PIGC: variants seen among roughly 807,000 people sequenced by gnomAD.
PIGC encodes the protein phosphatidylinositol N-acetylglucosaminyltransferase subunit C.
PIGC carries 14 observed loss-of-function variants against 20.9 expected under a neutral mutation model. The ratio of observed to expected loss-of-function variants is 0.67; its 90% CI spans 0.44 to 1.05. The LOEUF is 1.05. PIGC is among the 50% of genes least tolerant of loss of function. The pLI is 0.00. For synonymous variants in PIGC, 132 were observed against 141.4 expected (o/e 0.93, Z 0.47); for missense variants, 310 against 360.9 (o/e 0.86, Z 1.14).
chr1:172,443,974 C>T lies in PIGC; in HGVS notation c.-209+14G>A, dbSNP rs901940833. ...AGCCCCGGAAACACTGACCGTTACA[C>T]GGAACCCACCTACCCGAGAGTTCCT... On this transcript the variant is annotated intron_variant, in intron 1 of 1. Transcript: ENST00000344529. 2 of 1,000,056 alleles carry T rather than the reference C, an allele frequency of 2.0e-6. No individual in the cohort carries two copies. Among genetic ancestry groups the T allele is most frequent in the African/African-American group, 3.5e-5 (2 of 57,260 alleles). The allele number at this position is 1,000,056 out of a possible 1,614,324, so 61.9% of individuals were successfully genotyped here.
rs61747503 is a variant in PIGC, at chr1:172,442,315, A to G, written c.308T>C (p.Ile103Thr). The G allele has an allele frequency of 5.1e-4, 815 of 1,613,278 alleles. No individual in the cohort carries two copies. The highest frequency in any genetic ancestry group is 6.3e-4 in the Non-Finnish European group (739 of 1,180,034). ...CTTCTTCCGCCCTTCACCTCCATCA[A>G]TGAGATCAAACAAAACATACCCAAT... ...SLIGYVLFDL[I>T]DGGEGRKKSG... Residue 103 changes from isoleucine (I) to threonine (T), a missense_variant, in exon 2 of 2, where the codon ATT becomes ACT. Physicochemically the swap from Ile to Thr is moderately conservative, Grantham distance 89. Coordinates refer to ENST00000344529, the MANE Select transcript of PIGC (RefSeq NM_153747.2).
chr1:172,441,489 C>T lies in PIGC; in HGVS notation c.*240G>A, dbSNP rs1647304362. The T allele has an allele frequency of 8.5e-6, 3 of 354,846 alleles. No individual in the cohort carries two copies. The South Asian group carries it at 3.0e-4, about 36-fold the overall frequency. 22.0% of individuals were successfully genotyped at this position (354,846 alleles called of 1,614,324 possible). On this transcript the variant is annotated 3_prime_UTR_variant, in exon 2 of 2. Coordinates refer to ENST00000344529, the MANE Select transcript of PIGC (RefSeq NM_153747.2). ...GTTATTTTTTTAATAGAAACCACAT[C>T]ACTTCATATGTTACAGCATGTAATT...
chr1:172,441,936 C>T lies in PIGC; in HGVS notation c.687G>A (p.Val229=). 2 of 1,614,198 alleles carry T rather than the reference C, an allele frequency of 1.2e-6. No homozygotes were observed. Among genetic ancestry groups the T allele is most frequent in the Non-Finnish European group, 8.5e-7 (1 of 1,180,026 alleles). The part of the protein sequence containing the change: ...KLKACTPRSY[V]GVTLLFAFSA... ...AAAATGCAAAAAGCAGTGTGACCCC[C>T]ACATAGCTCCGGGGAGTACATGCCT... The change falls in exon 2 of 2, where the codon GTG becomes GTA. Residue 229 remains valine, a synonymous_variant. Transcript: ENST00000344529.
rs894789904 is a variant in PIGC at position 172,444,022 on chromosome 1, G to C, written c.-243C>G. 2.0e-6 allele frequency: 2 copies of C among 999,956 alleles called. No individual in the cohort carries two copies. The highest frequency in any genetic ancestry group is 3.5e-5 in the African/African-American group (2 of 57,256). The allele number at this position is 999,956 out of a possible 1,614,324, so 61.9% of individuals were successfully genotyped here. A position where few individuals can be genotyped will look rare whatever the true frequency, so the allele number is the denominator to read the frequency against. ...CCTAGGGTTGCGCAGCTGGGGGACG[G>C]CGGCACCCAGCCTTTTTCCCGCTTC... is the stretch of plus-strand genomic sequence containing the variant. On this transcript the variant is annotated 5_prime_UTR_variant, in exon 1 of 2. Transcript: ENST00000344529.
Position 172,442,039 on chromosome 1 carries a change from CG to C in PIGC, c.583del (p.Arg195GlyfsTer9). 2 of 1,614,072 alleles carry C rather than the reference CG, an allele frequency of 1.2e-6. No individual in the cohort carries two copies. Among genetic ancestry groups the C allele is most frequent in the East Asian group, 2.2e-5 (1 of 44,878 alleles). On this transcript the variant is annotated frameshift_variant, in exon 2 of 2. Transcript: ENST00000344529. LOFTEE classifies it high-confidence loss of function. Reference sequence around the variant, plus strand: ...CACCATGATGAAGGCATGCAGGGACCGGGGAAGACGTGATGCCAAGCATACA... The same window carrying C: ...CACCATGATGAAGGCATGCAGGGACCGGGAAGACGTGATGCCAAGCATACA... Reference protein sequence around the residue: ...ASVCLASRLPRSLHAFIMVTF... With the variant: ...ASVCLASRLPXSLHAFIMVTF...
At chr1:172,443,119 A>G (rs1248718875) in intron 1 of PIGC, 2 of 167,944 alleles carry the variant, frequency 1.2e-5, no homozygotes, top group African/African-American at 4.8e-5. Flanking sequence ...CTGCTTTGGT[A>G]AAAAAGCTGA....
chr1:172,442,254 G>A lies in PIGC; in HGVS notation c.369C>T (p.Ala123=), dbSNP rs776975185. ...GQTRWADLKS[A]LVFITFTYGF... ...CATAAGTGAAAGTAATGAAGACTAG[G>A]GCACTCTTCAGGTCAGCCCACCGGG... is the stretch of plus-strand genomic sequence containing the variant. The change falls in exon 2 of 2, where the codon GCC becomes GCT. Residue 123 remains alanine, a synonymous_variant. Coordinates refer to ENST00000344529, the MANE Select transcript of PIGC (RefSeq NM_153747.2). 3 of 1,613,750 alleles carry A rather than the reference G, an allele frequency of 1.9e-6. No individual in the cohort carries two copies. In the South Asian group the frequency reaches 3.3e-5, roughly 18 times the overall value.
Position 172,441,873 on chromosome 1 carries a change from T to G in PIGC, c.750A>C (p.Gly250=), listed in dbSNP as rs1647346250. 1 of 1,613,952 alleles carries G rather than the reference T, an allele frequency of 6.2e-7. No homozygotes were observed. ...VGGLLSISAV[G]AVLFALLLMS... The stretch of plus-strand genomic sequence containing the variant: ...TCAGCAGAAGGGCAAAGAGTACGGC[T>G]CCCACAGCACTAATGGACAGTAGGC... The change falls in exon 2 of 2, where the codon GGA becomes GGC. Residue 250 remains glycine, a synonymous_variant. Coordinates refer to ENST00000344529, the MANE Select transcript of PIGC (RefSeq NM_153747.2).
Position 172,442,640 on chromosome 1 carries a change from T to C in PIGC, c.-18A>G. On this transcript the variant is annotated 5_prime_UTR_variant, in exon 2 of 2. The change abolishes the stop of an existing upstream ORF in the 5' untranslated region. Coordinates refer to ENST00000344529, the MANE Select transcript of PIGC (RefSeq NM_153747.2). The stretch of plus-strand genomic sequence containing the variant: ...GCATACATTATCCTTTCATTCAAAC[T>C]CAGGCCAGTTTAATCATCGCCCTCA... The C allele has an allele frequency of 1.3e-6, 2 of 1,595,858 alleles. No individual in the cohort carries two copies. The highest frequency in any genetic ancestry group is 1.7e-6 in the Non-Finnish European group (2 of 1,165,178).
chr1:172,441,853 A>C lies in PIGC; in HGVS notation c.770T>G (p.Leu257Arg). Residue 257 changes from leucine (L) to arginine (R), a missense_variant, in exon 2 of 2, where the codon CTG becomes CGG. Coordinates refer to ENST00000344529, the MANE Select transcript of PIGC (RefSeq NM_153747.2). ...SAVGAVLFAL[L>R]LMSISCLCPF... is the part of the protein sequence containing the mutation. ...ACACAGACATGAGATAGACATCAGC[A>C]GAAGGGCAAAGAGTACGGCTCCCAC... 1.9e-6 allele frequency: 3 copies of C among 1,614,226 alleles called. No individual in the cohort carries two copies. The highest frequency in any genetic ancestry group is 2.5e-6 in the Non-Finnish European group (3 of 1,180,016).
chr1:172,442,379 G>T lies in PIGC; in HGVS notation c.244C>A (p.Pro82Thr), dbSNP rs772574314. ...WWYMDEGLLA[P>T]HWLLGTGLAS... The stretch of plus-strand genomic sequence containing the variant: ...AGACCAGTCCCTAAAAGCCAATGGG[G>T]GGCCAGAAGACCCTCATCCATATAC... The change falls in exon 2 of 2, where the codon CCC becomes ACC. Residue 82 changes from proline (P) to threonine (T), a missense_variant. Pro to Thr is a conservative substitution (Grantham distance 38). Coordinates refer to ENST00000344529, the MANE Select transcript of PIGC (RefSeq NM_153747.2). 1.2e-6 allele frequency: 2 copies of T among 1,613,402 alleles called. No homozygotes were observed. The highest frequency in any genetic ancestry group is 3.3e-5 in the Admixed American group (2 of 60,012).
chr1:172,442,145 G>C lies in PIGC; in HGVS notation c.478C>G (p.His160Asp), dbSNP rs1647380174. 6.2e-7 allele frequency: 1 copy of C among 1,614,160 alleles called. No individual in the cohort carries two copies. The highest frequency in any genetic ancestry group is 8.5e-7 in the Non-Finnish European group (1 of 1,180,010). ...GCACCATAGTCAAAAAAGATGAGATGGCCTAACAGCATGAAGACTGACATG... is the reference window on the plus strand; with the variant it reads ...GCACCATAGTCAAAAAAGATGAGATCGCCTAACAGCATGAAGACTGACATG... ...YAMSVFMLLG[H>D]LIFFDYGANA... The change falls in exon 2 of 2, where the codon CAT (histidine) becomes GAT (aspartate). Residue 160 changes from histidine to aspartate, a missense_variant. Coordinates refer to ENST00000344529, the MANE Select transcript of PIGC (RefSeq NM_153747.2).
rs1257531928 is a variant in PIGC at position 172,442,119 on chromosome 1, G to A, written c.504C>T (p.Ala168=). The A allele has an allele frequency of 1.2e-6, 2 of 1,614,062 alleles. No homozygotes were observed. Among genetic ancestry groups the A allele is most frequent in the African/African-American group, 1.3e-5 (1 of 74,916 alleles). ...LGHLIFFDYG[A]NAAIVSSTLS... is the part of the protein sequence containing the mutation. Reference sequence around the variant, plus strand: ...GTGTGCTGGATACAATGGCAGCATTGGCACCATAGTCAAAAAAGATGAGAT... The same window carrying A: ...GTGTGCTGGATACAATGGCAGCATTAGCACCATAGTCAAAAAAGATGAGAT... The change falls in exon 2 of 2, where the codon GCC becomes GCT. Residue 168 remains alanine (A), a synonymous_variant. Transcript: ENST00000344529.
chr1:172,443,619 G>GA (rs914567916), intron 1 of PIGC: 33 of 165,116 alleles, frequency 2.0e-4, no homozygotes, highest in South Asian at 8.4e-4. Context: ...GCAAATTTGA[G>GA]AAAAAAAAAA....
At position 172,442,635 on chromosome 1, in the gene PIGC, C is replaced by A; in HGVS notation, c.-13G>T. 1 of 1,598,480 alleles carries A rather than the reference C, an allele frequency of 6.3e-7. No individual in the cohort carries two copies. Among genetic ancestry groups the A allele is most frequent in the South Asian group, 1.1e-5 (1 of 90,520 alleles). The stretch of plus-strand genomic sequence containing the variant: ...GTTGAGCATACATTATCCTTTCATT[C>A]AAACTCAGGCCAGTTTAATCATCGC... On this transcript the variant is annotated 5_prime_UTR_variant, in exon 2 of 2. Transcript: ENST00000344529.
At chr1:172,443,819 G>A (rs917684012) in intron 1 of PIGC, 169 bp downstream of exon 1, 4 of 306,054 alleles carry the variant, frequency 1.3e-5, no homozygotes, top group Non-Finnish European at 2.0e-5. Flanking sequence ...AGGGGACGGG[G>A]TAGGGTAGGG....
Position 172,441,939 on chromosome 1 carries a change from A to G in PIGC, c.684T>C (p.Tyr228=). ...KKLKACTPRS[Y]VGVTLLFAFS... Reference sequence around the variant, plus strand: ...ATGCAAAAAGCAGTGTGACCCCCACATAGCTCCGGGGAGTACATGCCTTTA... The same window carrying G: ...ATGCAAAAAGCAGTGTGACCCCCACGTAGCTCCGGGGAGTACATGCCTTTA... Residue 228 remains tyrosine, a synonymous_variant, in exon 2 of 2, where the codon TAT becomes TAC. Transcript: ENST00000344529. 6.2e-7 allele frequency: 1 copy of G among 1,614,238 alleles called. No homozygotes were observed. Among genetic ancestry groups the G allele is most frequent in the Non-Finnish European group, 8.5e-7 (1 of 1,180,042 alleles).
In PIGC at chr1:172,441,955, C is replaced by T. The variant is rs767621330; in HGVS notation, c.668G>A (p.Cys223Tyr). The T allele has an allele frequency of 5.0e-6, 8 of 1,614,050 alleles. No homozygotes were observed. Among genetic ancestry groups the T allele is most frequent in the Middle Eastern group, 1.6e-4 (1 of 6,084 alleles). ...GACCCCCACATAGCTCCGGGGAGTA[C>T]ATGCCTTTAGTTTCTTCTGCAACAT... ...WPMLQKKLKA[C>Y]TPRSYVGVTL... Residue 223 changes from cysteine (C) to tyrosine (Y), a missense_variant, in exon 2 of 2, where the codon TGT becomes TAT. Physicochemically the swap from Cys to Tyr is radical, Grantham distance 194. Coordinates refer to ENST00000344529, the MANE Select transcript of PIGC (RefSeq NM_153747.2).
rs1647311057 is a variant in PIGC, at chr1:172,441,579, C to T, written c.*150G>A. On this transcript the variant is annotated 3_prime_UTR_variant, in exon 2 of 2. Transcript: ENST00000344529. ...AGAAAGGATAAGCACCCTCACCACC[C>T]AAGCCTTTGGTTCATTTTTTTTGGT... 4 of 667,262 alleles carry T rather than the reference C, an allele frequency of 6.0e-6. No homozygotes were observed. The Admixed American group carries it at 1.1e-4, about 19-fold the overall frequency. 41.3% of individuals were successfully genotyped at this position (667,262 alleles called of 1,614,324 possible).
Sources: allele counts gnomAD v4.1 joint callset, GRCh38; gene constraint gnomAD v4.1.1; transcripts MANE v1.5; gene names NCBI Gene and HGNC (gene_info 2026-07-23, HGNC 2026-07-21).